Variants in NAALADL2 observed in about 807,000 individuals in gnomAD.
NAALADL2 encodes N-acetylated alpha-linked acidic dipeptidase like 2, also known as inactive N-acetylated-alpha-linked acidic dipeptidase-like protein 2.
In NAALADL2, 76 loss-of-function variants were observed where a neutral mutation model predicts 87.2. The ratio of observed to expected loss-of-function variants is 0.87; its 90% CI spans 0.72 to 1.05. NAALADL2 has a LOEUF of 1.05. Among genes scored for constraint, NAALADL2 ranks in the 50% least tolerant of loss-of-function variants. The pLI, the probability that NAALADL2 is intolerant of heterozygous loss-of-function variation, is 0.00. For synonymous variants in NAALADL2, 354 were observed against 331.0 expected, an observed-to-expected ratio of 1.07 and a Z score of -0.75; for missense variants, 1,089 against 945.8, an observed-to-expected ratio of 1.15 and a Z score of -1.99.
chr3:174,531,700 G>C (rs2108442026), intron 1 of NAALADL2, among the ~76,000 whole-genome samples: 1 of 152,204 alleles, frequency 6.6e-6, no homozygotes, highest in South Asian at 2.1e-4. Context: ...ATTCTGTTTT[G>C]TAACATTTGA....
chr3:175,295,823 C>CT (rs1756287735), intron 4 of NAALADL2, among the ~76,000 whole-genome samples: 1 of 151,894 alleles, frequency 6.6e-6, no homozygotes, highest in Non-Finnish European at 1.5e-5. Context: ...CATACAATGA[C>CT]TTTTATAATC....
At chr3:174,923,994 T>A (rs1229761275) in intron 1 of NAALADL2, among the ~76,000 whole-genome samples, 1 of 152,156 alleles carries the variant, frequency 6.6e-6, no homozygotes, top group Non-Finnish European at 1.5e-5. Flanking sequence ...TAGGACTGAC[T>A]AGGTTTTTAA....
chr3:174,982,149 A>G (rs572453731), intron 1 of NAALADL2, among the ~76,000 whole-genome samples: 1 of 152,274 alleles, frequency 6.6e-6, no homozygotes, highest in East Asian at 1.9e-4. Context: ...CATCAGTTCC[A>G]TGGGGGACAA....
At chr3:175,670,416 TA>T (rs1733786372) in intron 11 of NAALADL2, among the ~76,000 whole-genome samples, 1 of 145,994 alleles carries the variant, frequency 6.8e-6, no homozygotes, top group Non-Finnish European at 1.5e-5. Flanking sequence ...ACATTAAATG[TA>T]AATTTAATAT....
At chr3:175,492,598 A>G (rs113850101) in intron 9 of NAALADL2, among the ~76,000 whole-genome samples, 15 of 152,268 alleles carry the variant, frequency 9.9e-5, no homozygotes, top group African/African-American at 3.1e-4. Context: ...CCATTTTTCC[A>G]TGACAATTCC....
At chr3:174,566,354 A>G (rs535595105) in intron 2 of NAALADL2, among the ~76,000 whole-genome samples, 5 of 151,816 alleles carry the variant, frequency 3.3e-5, no homozygotes, top group Non-Finnish European at 7.4e-5. Context: ...TCTGAGTTCT[A>G]TTACTGATGT....
intron 9 of NAALADL2, among the ~76,000 whole-genome samples, chr3:175,540,049 A>G (rs1429112518): frequency 6.6e-6 from 1 of 152,212 alleles, no homozygotes; most frequent in Non-Finnish European, 1.5e-5. Context: ...GAATTATTCA[A>G]CACATGGATA....
rs375758237 is a variant in NAALADL2, at chr3:175,147,451, T to C, written c.545+50160T>C. Reference sequence around the variant, plus strand: ...TTTTTTGTGGCTGTGTAGTATTCCATGACATATTATGTACCACATTTTCTT... The same window carrying C: ...TTTTTTGTGGCTGTGTAGTATTCCACGACATATTATGTACCACATTTTCTT... On this transcript the variant is annotated intron_variant, in intron 2 of 13. Transcript: ENST00000454872. Among the ~76,000 whole-genome samples the C allele has an allele frequency of 3.3e-5, 5 of 152,294 alleles. No individual in the cohort carries two copies. The East Asian group carries it at 9.7e-4, about 29-fold the overall frequency.
intron 1 of NAALADL2, among the ~76,000 whole-genome samples, chr3:174,922,957 A>G (rs929865127): frequency 3.3e-5 from 5 of 152,158 alleles, no homozygotes; most frequent in African/African-American, 1.2e-4. Flanking sequence ...TAAAGTTCTT[A>G]TCTTTCCCTT....
intron 2 of NAALADL2, among the ~76,000 whole-genome samples, chr3:174,733,286 C>A (rs927490422): frequency 1.3e-5 from 2 of 152,170 alleles, no homozygotes; most frequent in African/African-American, 2.4e-5. Flanking sequence ...AAAATCACAT[C>A]TTTAACAATG....
At chr3:175,706,547 C>T (rs1184786719) in intron 11 of NAALADL2, among the ~76,000 whole-genome samples, 1 of 152,094 alleles carries the variant, frequency 6.6e-6, no homozygotes, top group Non-Finnish European at 1.5e-5. Flanking sequence ...CCATGAGTAA[C>T]AGCTATTGTA....
intron 9 of NAALADL2, among the ~76,000 whole-genome samples, chr3:175,504,097 G>T (rs1168122880): frequency 1.3e-5 from 2 of 152,122 alleles, no homozygotes; most frequent in Non-Finnish European, 2.9e-5. Flanking sequence ...ATTTTGAGTT[G>T]ATTTCTGTAT....
intron 1 of NAALADL2, among the ~76,000 whole-genome samples, chr3:175,024,576 C>A (rs1751978716): frequency 6.6e-6 from 1 of 151,974 alleles, no homozygotes; most frequent in Non-Finnish European, 1.5e-5. Context: ...CTAAATGGCA[C>A]ATATGTAAAA....
chr3:175,384,269 C>T (rs56382450), intron 5 of NAALADL2, among the ~76,000 whole-genome samples: 32,087 of 151,784 alleles, frequency 0.21, 4,090 homozygotes, highest in East Asian at 0.49. Flanking sequence ...ATGATAATTT[C>T]TTGTTTTGAA....
intron 2 of NAALADL2, among the ~76,000 whole-genome samples, chr3:174,696,905 T>G (rs753364091): frequency 1.3e-5 from 2 of 152,156 alleles, no homozygotes; most frequent in Non-Finnish European, 2.9e-5. Context: ...AAGTCTTGCT[T>G]AATTCTGGTT....
At chr3:174,803,902 G>A (rs9837913) in intron 3 of NAALADL2, among the ~76,000 whole-genome samples, 29,944 of 152,020 alleles carry the variant, frequency 0.2, 3,116 homozygotes, top group East Asian at 0.35. Context: ...GTCAGGTAGC[G>A]TGATGCCTCT....
intron 11 of NAALADL2, among the ~76,000 whole-genome samples, chr3:175,682,843 CATTCTT>C (rs758416548): frequency 7.2e-5 from 11 of 151,908 alleles, no homozygotes; most frequent in Non-Finnish European, 1.5e-4. Context: ...CTTCAGGAAA[CATTCTT>C]ATTCTTTTAT....
chr3:175,695,031 C>T (rs1436993057), intron 11 of NAALADL2, among the ~76,000 whole-genome samples: 1 of 150,370 alleles, frequency 6.7e-6, no homozygotes, highest in East Asian at 2.0e-4. Flanking sequence ...TTTGTGTTGC[C>T]TAATTTGAGG....
rs532356870 is a variant in NAALADL2 at position 175,451,004 on chromosome 3, AAGAT to A, written c.1234+3636_1234+3639del. ...GGGTCAGATGAGTAAAGGGGAGAGA[AAGAT>A]AGAAATAGATATAGAGAGAAGGTGT... On this transcript the variant is annotated intron_variant, in intron 6 of 13. Transcript: ENST00000454872. 1.1e-3 allele frequency among the ~76,000 whole-genome samples: 166 copies of A among 152,302 alleles called. 1 individual carries two copies. Among genetic ancestry groups the A allele is most frequent in the African/African-American group, 3.8e-3 (156 of 41,580 alleles).
Sources: gnomAD v4.1 joint callset for allele counts (sites outside exome capture counted in the v4.1 genomes callset) on GRCh38, gnomAD v4.1.1 for gene constraint, MANE v1.5 for transcripts, NCBI Gene and HGNC (gene_info 2026-07-23, HGNC 2026-07-21) for gene names.